The following TPM2 variants were observed in gnomAD, a reference collection of about 807,000 sequenced individuals.
The protein encoded by TPM2 is tropomyosin beta chain.
A neutral mutation model predicts 41.0 loss-of-function variants in TPM2; 26 were observed. The ratio of observed to expected loss-of-function variants is 0.63; its 90% CI spans 0.46 to 0.88. The LOEUF is 0.88. Among genes scored for constraint, TPM2 ranks in the 40% least tolerant of loss-of-function variants. The probability of loss-of-function intolerance (pLI) is 0.00; values close to 1 mark genes in which losing one functional copy is unlikely to be tolerated. For synonymous variants in TPM2, 143 were observed against 139.3 expected, an observed-to-expected ratio of 1.03 and a Z score of -0.19; for missense variants, 187 against 355.2, an observed-to-expected ratio of 0.53 and a Z score of 3.81.
chr9:35,684,825 C>CT lies in TPM2; in HGVS notation c.564-19_564-18insA, dbSNP rs1554658817. The CT allele has an allele frequency of 1.9e-6, 3 of 1,597,288 alleles. No homozygotes were observed. Among genetic ancestry groups the CT allele is most frequent in the Admixed American group, 3.4e-5 (2 of 58,720 alleles). ...CACATTTACTGCAGGGGGTGTGTGG[C>CT]GGGGGGGGCAGGGTGTGAGGGCACA... is the stretch of plus-strand genomic sequence containing the variant. On this transcript the variant is annotated intron_variant, in intron 5 of 8. Transcript: ENST00000645482.
chr9:35,689,743 G>C lies in TPM2; in HGVS notation c.75C>G (p.Ala25=), dbSNP rs138151922. Residue 25 remains alanine (A), a synonymous_variant, in exon 1 of 9, where the codon GCC becomes GCG. Coordinates refer to ENST00000645482, the MANE Select transcript of TPM2 (RefSeq NM_003289.4). ...KENAIDRAEQ[A]EADKKQAEDR... Reference sequence around the variant, plus strand: ...CCTCAGCTTGCTTCTTGTCGGCTTCGGCCTGCTCGGCGCGGTCGATGGCGT... The same window carrying C: ...CCTCAGCTTGCTTCTTGTCGGCTTCCGCCTGCTCGGCGCGGTCGATGGCGT... 2.5e-6 allele frequency: 4 copies of C among 1,613,776 alleles called. No individual in the cohort carries two copies. The South Asian group carries it at 4.4e-5, about 18-fold the overall frequency.
chr9:35,685,357 G>A lies in TPM2; in HGVS notation c.493-18C>T. The A allele has an allele frequency of 6.2e-7, 1 of 1,614,228 alleles. No individual in the cohort carries two copies. Among genetic ancestry groups the A allele is most frequent in the Non-Finnish European group, 8.5e-7 (1 of 1,180,046 alleles). ...CTGGCCACCTGTGGGGAGTGAGAAA[G>A]AGAGGGTAGATCAGTGGAGAAGGAC... On this transcript the variant is annotated intron_variant, in intron 4 of 8. Coordinates refer to ENST00000645482, the MANE Select transcript of TPM2 (RefSeq NM_003289.4). This position sits in a 1 kb window ranked among gnomAD's most constrained non-coding sequence, Gnocchi z 5.0.
At chr9:35,682,346 G>T, downstream of TPM2, 2 of 939,622 alleles carry the variant, frequency 2.1e-6, no homozygotes, top group South Asian at 3.0e-5. Context: ...GGAACAGGAC[G>T]GACGTGGATG....
chr9:35,683,674 G>T (rs373209278), intron 8 of TPM2, among the ~76,000 whole-genome samples: 1 of 152,180 alleles, frequency 6.6e-6, no homozygotes, highest in Non-Finnish European at 1.5e-5. Flanking sequence ...AAAAGGAAAG[G>T]CAACTTTAGC....
At chr9:35,687,522 C>T (rs1019738231) in intron 2 of TPM2, among the ~76,000 whole-genome samples, 4 of 151,926 alleles carry the variant, frequency 2.6e-5, no homozygotes, top group African/African-American at 7.3e-5. Flanking sequence ...GGTCCTTGGT[C>T]GGACTGTAGG....
At chr9:35,687,313 A>T (rs1824977812) in intron 2 of TPM2, among the ~76,000 whole-genome samples, 1 of 152,162 alleles carries the variant, frequency 6.6e-6, no homozygotes, top group Non-Finnish European at 1.5e-5. Context: ...GGGAAATTGT[A>T]AAATAACATG....
At chr9:35,682,447 T>A, downstream of TPM2, 1 of 1,308,244 alleles carries the variant, frequency 7.6e-7, no homozygotes, top group African/African-American at 1.5e-5. Context: ...TTTAAGGAAG[T>A]TGGAGACAGA....
At position 35,689,715 on chromosome 9, in the gene TPM2, G is replaced by T; in HGVS notation, c.103C>A (p.Arg35Ser). 1 of 1,613,562 alleles carries T rather than the reference G, an allele frequency of 6.2e-7. No individual in the cohort carries two copies. Among genetic ancestry groups the T allele is most frequent in the Non-Finnish European group, 8.5e-7 (1 of 1,179,730 alleles). Reference protein sequence around the residue: ...AEADKKQAEDRCKQLEEEQQA... With the variant: ...AEADKKQAEDSCKQLEEEQQA... ...GGCCCGGCCCTAACCTGCTTGCAGC[G>T]GTCCTCAGCTTGCTTCTTGTCGGCT... The change falls in exon 1 of 9, where the codon CGC becomes AGC. Residue 35 changes from arginine to serine, a missense_variant. Arg to Ser is a moderately radical substitution (Grantham distance 110, BLOSUM62 -1). Transcript: ENST00000645482.
chr9:35,689,722 A>T lies in TPM2; in HGVS notation c.96T>A (p.Ala32=). ...AEQAEADKKQ[A]EDRCKQLEEE... The stretch of plus-strand genomic sequence containing the variant: ...CCCTAACCTGCTTGCAGCGGTCCTC[A>T]GCTTGCTTCTTGTCGGCTTCGGCCT... Residue 32 remains alanine (A), a synonymous_variant, in exon 1 of 9, where the codon GCT becomes GCA. Coordinates refer to ENST00000645482, the MANE Select transcript of TPM2 (RefSeq NM_003289.4). 1 of 1,613,648 alleles carries T rather than the reference A, an allele frequency of 6.2e-7. No individual in the cohort carries two copies. Among genetic ancestry groups the T allele is most frequent in the Non-Finnish European group, 8.5e-7 (1 of 1,179,736 alleles).
Position 35,685,840 on chromosome 9 carries a change from G to A in TPM2, c.241-60C>T, listed in dbSNP as rs571621550. On this transcript the variant is annotated intron_variant, in intron 2 of 8. Coordinates refer to ENST00000645482, the MANE Select transcript of TPM2 (RefSeq NM_003289.4). The surrounding 1 kb of genome is among the most constrained non-coding windows in gnomAD (Gnocchi z 5.0). The stretch of plus-strand genomic sequence containing the variant: ...GTTAGCCTTGGATAAGGATCAGAGA[G>A]GCTCCAGAGGATGGCGAGATTCTTC... 1.9e-5 allele frequency: 30 copies of A among 1,612,202 alleles called. No homozygotes were observed. The African/African-American group carries it at 3.7e-4, about 20-fold the overall frequency.
chr9:35,683,800 G>T (rs1267081075), intron 8 of TPM2, among the ~76,000 whole-genome samples: 2 of 152,200 alleles, frequency 1.3e-5, no homozygotes, highest in South Asian at 2.1e-4. Flanking sequence ...AGACCTAGAT[G>T]TTCAGTCCAA....
chr9:35,690,008 C>T, upstream of TPM2: 1 of 1,440,852 alleles, frequency 6.9e-7, no homozygotes, highest in Non-Finnish European at 9.1e-7. Context: ...CCACCTCGGC[C>T]CAAACCTTGT....
chr9:35,684,685 C>A, intron 6 of TPM2, 47 bp downstream of exon 6: 1 of 1,614,076 alleles, frequency 6.2e-7, no homozygotes, highest in Non-Finnish European at 8.5e-7. Context: ...CCCTCACCTC[C>A]CTCCCCTGTG....
chr9:35,689,658 T>C, intron 1 of TPM2, 46 bp downstream of exon 1: 1 of 1,607,178 alleles, frequency 6.2e-7, no homozygotes, highest in Non-Finnish European at 8.5e-7. Flanking sequence ...GGCCCACCCT[T>C]GCCCTAGGCG....
At chr9:35,687,489 A>G (rs562779035) in intron 2 of TPM2, among the ~76,000 whole-genome samples, 1 of 151,310 alleles carries the variant, frequency 6.6e-6, no homozygotes, top group African/African-American at 2.4e-5. Flanking sequence ...TGGGGGCAGC[A>G]CTTGGACACA....
Position 35,683,039 on chromosome 9 carries a change from G to T in TPM2, c.*120C>A. 1 of 1,549,920 alleles carries T rather than the reference G, an allele frequency of 6.5e-7. No individual in the cohort carries two copies. Among genetic ancestry groups the T allele is most frequent in the Non-Finnish European group, 8.7e-7 (1 of 1,146,416 alleles). On this transcript the variant is annotated 3_prime_UTR_variant, in exon 9 of 9. Transcript: ENST00000645482. ...GCATGATGGGGGCTCTCCCTAGGCT[G>T]CTCCCAGCCTGGCTGTGCAATGTTG...
At position 35,689,848 on chromosome 9, in the gene TPM2, G is replaced by C. The variant is rs778149685; in HGVS notation, c.-31C>G. Reference sequence around the variant, plus strand: ...CGGTGGGGGGTGGGCCGGCCGGCAGGCGGTGAGGACCGGACGGACTGGGCT... The same window carrying C: ...CGGTGGGGGGTGGGCCGGCCGGCAGCCGGTGAGGACCGGACGGACTGGGCT... On this transcript the variant is annotated 5_prime_UTR_variant, in exon 1 of 9. Coordinates refer to ENST00000645482, the MANE Select transcript of TPM2 (RefSeq NM_003289.4). 5 of 1,612,944 alleles carry C rather than the reference G, an allele frequency of 3.1e-6. No individual in the cohort carries two copies. Among genetic ancestry groups the C allele is most frequent in the Non-Finnish European group, 3.4e-6 (4 of 1,179,438 alleles).
chr9:35,689,299 G>A, intron 1 of TPM2, 28 bp from the exon 2 acceptor site: 2 of 1,613,650 alleles, frequency 1.2e-6, no homozygotes, highest in Non-Finnish European at 1.7e-6. Flanking sequence ...TGGTCAGCCA[G>A]GCTGGGAGGG....
chr9:35,684,699 C>A lies in TPM2; in HGVS notation c.639+33G>T, dbSNP rs114534567. The A allele has an allele frequency of 7.4e-4, 1,195 of 1,614,174 alleles. 9 individuals carry two copies. In the African/African-American group the frequency reaches 0.015, roughly 20 times the overall value. ...CCCCTCACCTCCCTCCCCTGTGGGA[C>A]CCCATCCTCACTGCCCCTCTGCTCC... On this transcript the variant is annotated intron_variant, in intron 6 of 8. Transcript: ENST00000645482.
Sources: allele counts gnomAD v4.1 joint callset (sites outside exome capture counted in the v4.1 genomes callset), GRCh38; gene constraint gnomAD v4.1.1; non-coding constraint Gnocchi (gnomAD v3.1); transcripts MANE v1.5; gene names NCBI Gene and HGNC (gene_info 2026-07-23, HGNC 2026-07-21).